Variants in CSMD1 observed in about 807,000 individuals in gnomAD.
The protein encoded by CSMD1 is CUB and Sushi multiple domains 1.
Under a neutral mutation model 417.5 loss-of-function variants are expected in CSMD1, and 213 were observed. The ratio of observed to expected loss-of-function variants is 0.51; its 90% CI spans 0.46 to 0.57. The LOEUF is 0.57. Ranked by LOEUF, CSMD1 falls within the 20% of genes least tolerant of loss-of-function variation. CSMD1 has a pLI of 0.00. For missense variants in CSMD1, 6,923 were observed against 4,529.7 expected (o/e 1.53, Z -15.17); for synonymous variants, 2,862 against 1,736.8 (o/e 1.65, Z -16.11).
At chr8:4,406,888 T>G (rs1325200944) in intron 3 of CSMD1, among the ~76,000 whole-genome samples, 1 of 152,226 alleles carries the variant, frequency 6.6e-6, no homozygotes, top group African/African-American at 2.4e-5. Flanking sequence ...GGCCATTTAC[T>G]TTCTCTATTG....
intron 1 of CSMD1, among the ~76,000 whole-genome samples, chr8:4,847,350 A>T (rs1474905209): frequency 6.6e-6 from 1 of 152,236 alleles, no homozygotes; most frequent in Admixed American, 6.5e-5. Context: ...CTAAACAATG[A>T]CACTAACATC....
In CSMD1 at chr8:4,549,630, G is replaced by A. The variant is rs1048009409; in HGVS notation, c.302+87712C>T. 5.3e-5 allele frequency among the ~76,000 whole-genome samples: 8 copies of A among 152,034 alleles called. No individual in the cohort carries two copies. In the South Asian group the frequency reaches 6.2e-4, roughly 12 times the overall value. On this transcript the variant is annotated intron_variant, in intron 2 of 69. Coordinates refer to ENST00000635120, the MANE Select transcript of CSMD1 (RefSeq NM_033225.6). ...ATGGCCGGGCGCGGTGGCTCACACC[G>A]GTAATCCCAGCACCTTGGGAGGCTG...
intron 3 of CSMD1, among the ~76,000 whole-genome samples, chr8:4,304,848 C>A (rs565988896): frequency 6.6e-6 from 1 of 152,288 alleles, no homozygotes; most frequent in East Asian, 1.9e-4. Context: ...TCTTGAGACC[C>A]TATTTCACCT....
chr8:3,000,466 G>C (rs987572739), intron 52 of CSMD1, among the ~76,000 whole-genome samples: 3 of 151,986 alleles, frequency 2.0e-5, no homozygotes, highest in African/African-American at 7.3e-5. Context: ...AAAAAGTAAA[G>C]AAGGAATTCT....
At position 3,413,895 on chromosome 8, in the gene CSMD1, T is replaced by A. The variant is rs141016489; in HGVS notation, c.1562-4290A>T. Among the ~76,000 whole-genome samples, 248 of 152,052 alleles carry A rather than the reference T, an allele frequency of 1.6e-3. 1 individual carries two copies. The highest frequency in any genetic ancestry group is 5.7e-3 in the African/African-American group (236 of 41,484). ...AGCTCACGCCTGTAATCCTAGCACTTTGGAAGGCCGAGGTGGGATGATCAC... is the reference window on the plus strand; with the variant it reads ...AGCTCACGCCTGTAATCCTAGCACTATGGAAGGCCGAGGTGGGATGATCAC... On this transcript the variant is annotated intron_variant, in intron 12 of 69. Coordinates refer to ENST00000635120, the MANE Select transcript of CSMD1 (RefSeq NM_033225.6).
intron 2 of CSMD1, among the ~76,000 whole-genome samples, chr8:4,427,930 T>G (rs1797658802): frequency 6.6e-6 from 1 of 152,188 alleles, no homozygotes; most frequent in Admixed American, 6.5e-5. Context: ...TTAAGGCACT[T>G]TATTTAAAGT....
intron 2 of CSMD1, among the ~76,000 whole-genome samples, chr8:4,516,553 C>G (rs1803138667): frequency 6.6e-6 from 1 of 152,098 alleles, no homozygotes; most frequent in Admixed American, 6.6e-5. Context: ...GGTGTGGCCC[C>G]CAGCCACTGC....
At chr8:4,070,995 C>T (rs1447783130) in intron 3 of CSMD1, among the ~76,000 whole-genome samples, 3 of 152,070 alleles carry the variant, frequency 2.0e-5, no homozygotes, top group Non-Finnish European at 2.9e-5. Context: ...GTATGTAATG[C>T]GTCCATTTTC....
At chr8:3,808,152 T>C (rs1301223276) in intron 5 of CSMD1, among the ~76,000 whole-genome samples, 1 of 152,110 alleles carries the variant, frequency 6.6e-6, no homozygotes, top group Non-Finnish European at 1.5e-5. Context: ...ATCTATAATC[T>C]CTATGAAATT....
intron 5 of CSMD1, among the ~76,000 whole-genome samples, chr8:3,961,833 G>A (rs12334306): frequency 0.017 from 2,563 of 152,264 alleles, 81 homozygotes; most frequent in African/African-American, 0.059. Flanking sequence ...AAATAAATAA[G>A]GCAGCATCAT....
chr8:3,186,640 G>A (rs1362819743), intron 36 of CSMD1, among the ~76,000 whole-genome samples: 2 of 152,122 alleles, frequency 1.3e-5, no homozygotes, highest in African/African-American at 4.8e-5. Context: ...TTGAGTAAAA[G>A]TAGAACGGAA....
At chr8:3,792,364 G>C (rs576949894) in intron 5 of CSMD1, among the ~76,000 whole-genome samples, 1 of 152,260 alleles carries the variant, frequency 6.6e-6, no homozygotes, top group South Asian at 2.1e-4. Flanking sequence ...TGTACATTAT[G>C]ATCATTAATG....
chr8:3,455,404 C>G (rs1346483664), intron 12 of CSMD1, among the ~76,000 whole-genome samples: 2 of 152,190 alleles, frequency 1.3e-5, no homozygotes, highest in African/African-American at 4.8e-5. Context: ...TTTAGAGTCT[C>G]CAGTTTTTCT....
intron 10 of CSMD1, among the ~76,000 whole-genome samples, chr8:3,542,045 C>T (rs1174430105): frequency 1.3e-5 from 2 of 152,108 alleles, no homozygotes; most frequent in Non-Finnish European, 2.9e-5. Context: ...TGTTAATTAT[C>T]TACTTCCACC....
chr8:4,812,134 T>G (rs779506373), intron 1 of CSMD1, among the ~76,000 whole-genome samples: 1 of 152,156 alleles, frequency 6.6e-6, no homozygotes, highest in Non-Finnish European at 1.5e-5. Context: ...CACAACCAAT[T>G]ATGCCCTTCT....
intron 3 of CSMD1, among the ~76,000 whole-genome samples, chr8:4,209,842 A>G (rs1800203536): frequency 6.6e-6 from 1 of 152,192 alleles, no homozygotes; most frequent in Non-Finnish European, 1.5e-5. Context: ...CATGCAAAAT[A>G]AGGAGCGGTT....
At chr8:3,999,306 C>G (rs142648310) in intron 4 of CSMD1, among the ~76,000 whole-genome samples, 1 of 152,038 alleles carries the variant, frequency 6.6e-6, no homozygotes, top group Non-Finnish European at 1.5e-5. Flanking sequence ...GTTGTGTGAC[C>G]GGCCTGAGCT....
At chr8:4,817,636 A>G (rs17071540) in intron 1 of CSMD1, among the ~76,000 whole-genome samples, 16 of 152,254 alleles carry the variant, frequency 1.1e-4, no homozygotes, top group African/African-American at 2.9e-4. Context: ...ACAATTTAAT[A>G]ACATGCATAA....
intron 5 of CSMD1, among the ~76,000 whole-genome samples, chr8:3,855,177 T>G (rs1198459673): frequency 6.6e-6 from 1 of 152,186 alleles, no homozygotes; most frequent in Non-Finnish European, 1.5e-5. Flanking sequence ...TTACTTTCAA[T>G]ATAACAAAGA....
Sources: allele counts gnomAD v4.1 joint callset (sites outside exome capture counted in the v4.1 genomes callset), GRCh38; gene constraint gnomAD v4.1.1; transcripts MANE v1.5; gene names NCBI Gene and HGNC (gene_info 2026-07-23, HGNC 2026-07-21).